The following MAGI2 variants were observed in gnomAD, a reference collection of about 807,000 sequenced individuals.
The protein encoded by MAGI2 is membrane associated guanylate kinase, WW and PDZ domain containing 2.
In MAGI2, 35 loss-of-function variants were observed where a neutral mutation model predicts 133.3. That is an observed-to-expected ratio of 0.26 (90% CI 0.20 to 0.35). The LOEUF (loss-of-function observed/expected upper bound fraction) is 0.35. MAGI2 is among the 10% of genes least tolerant of loss of function. The pLI, the probability that MAGI2 is intolerant of heterozygous loss-of-function variation, is 1.00. For synonymous variants in MAGI2, 729 were observed against 710.6 expected (o/e 1.03, Z -0.41); for missense variants, 1,636 against 1,863.4 (o/e 0.88, Z 2.25).
chr7:78,078,240 T>C (rs4590377), intron 21 of MAGI2: 47,793 of 152,270 alleles, frequency 0.31, 8,143 homozygotes, highest in African/African-American at 0.46. Flanking sequence ...CCTCAAGTTT[T>C]GGTGCTTTTC....
chr7:78,626,616 C>T (rs38115), intron 3 of MAGI2, among the ~76,000 whole-genome samples: 95,311 of 151,890 alleles, frequency 0.63, 30,351 homozygotes, highest in Middle Eastern at 0.73. Context: ...CTTTGGAGTT[C>T]ATTCACAGAT....
At chr7:79,115,092 A>C (rs1562905273) in intron 1 of MAGI2, among the ~76,000 whole-genome samples, 1 of 152,188 alleles carries the variant, frequency 6.6e-6, no homozygotes, top group African/African-American at 2.4e-5. Context: ...AGCAATGCTG[A>C]ATGTGCAAGA....
At chr7:78,631,953 T>A (rs1186519059) in intron 2 of MAGI2, among the ~76,000 whole-genome samples, 1 of 152,240 alleles carries the variant, frequency 6.6e-6, no homozygotes, top group Non-Finnish European at 1.5e-5. Context: ...AGTAGTAGCA[T>A]CTTCATAGGG....
At position 78,070,106 on chromosome 7, in the gene MAGI2, T is replaced by TACAC. The variant is rs67410981; in HGVS notation, c.3706+8837_3706+8840dup. Among the ~76,000 whole-genome samples, 102 of 79,704 alleles carry TACAC rather than the reference T, an allele frequency of 1.3e-3. 2 individuals carry two copies. Among genetic ancestry groups the TACAC allele is most frequent in the Non-Finnish European group, 2.5e-3 (84 of 33,910 alleles). The allele number at this position is 79,704 out of a possible 152,430, so 52.3% of individuals were successfully genotyped here. A position where few individuals can be genotyped will look rare whatever the true frequency, so the allele number is the denominator to read the frequency against. Reference sequence around the variant, plus strand: ...GTCACTATAAACACACACACACACATACACACACACACACACACACATATA... The same window carrying TACAC: ...GTCACTATAAACACACACACACACATACACACACACACACACACACACACATATA... On this transcript the variant is annotated intron_variant, in intron 21 of 21. Coordinates refer to ENST00000354212, the MANE Select transcript of MAGI2 (RefSeq NM_012301.4).
intron 8 of MAGI2, 48 bp from the exon 9 acceptor site, chr7:78,344,008 A>G: frequency 6.4e-7 from 1 of 1,557,654 alleles, no homozygotes; most frequent in Non-Finnish European, 8.7e-7. Context: ...TGTTCAAGTC[A>G]AGTTCTCAGA....
chr7:78,402,620 G>T (rs1475090087), intron 6 of MAGI2, among the ~76,000 whole-genome samples: 1 of 152,116 alleles, frequency 6.6e-6, no homozygotes, highest in Non-Finnish European at 1.5e-5. Context: ...GTAGTGGTTG[G>T]TTTCTTCCTA....
At chr7:79,140,391 A>G (rs1047411255) in intron 1 of MAGI2, among the ~76,000 whole-genome samples, 1 of 152,166 alleles carries the variant, frequency 6.6e-6, no homozygotes, top group African/African-American at 2.4e-5. Flanking sequence ...AAAGAATATG[A>G]ATTCCTCTCT....
intron 3 of MAGI2, 147 bp from the exon 4 acceptor site, chr7:78,521,792 A>G (rs971985068): frequency 1.4e-5 from 9 of 627,032 alleles, no homozygotes; most frequent in African/African-American, 1.1e-4. Flanking sequence ...ATGGTTTTCT[A>G]TCTATGTGTC....
intron 10 of MAGI2, among the ~76,000 whole-genome samples, chr7:78,220,048 C>T (rs1383795558): frequency 1.3e-5 from 2 of 152,102 alleles, no homozygotes; most frequent in African/African-American, 4.8e-5. Context: ...CCTTATTATA[C>T]AACCTACTCC....
intron 3 of MAGI2, among the ~76,000 whole-genome samples, chr7:78,579,686 A>G (rs761773745): frequency 2.6e-5 from 4 of 152,144 alleles, no homozygotes; most frequent in Non-Finnish European, 4.4e-5. Context: ...TTACTATTCT[A>G]TTCTTAGTTG....
At chr7:78,067,438 A>T (rs1295280703) in intron 21 of MAGI2, among the ~76,000 whole-genome samples, 1 of 152,216 alleles carries the variant, frequency 6.6e-6, no homozygotes, top group African/African-American at 2.4e-5. Flanking sequence ...TGCATACATT[A>T]TGAGTGTATG....
At position 78,482,890 on chromosome 7, in the gene MAGI2, CA is replaced by C. The variant is rs1554435696; in HGVS notation, c.1045+6870del. Among the ~76,000 whole-genome samples, 153 of 148,648 alleles carry C rather than the reference CA, an allele frequency of 1.0e-3. 1 individual carries two copies. Among genetic ancestry groups the C allele is most frequent in the African/African-American group, 1.8e-3 (71 of 39,434 alleles). On this transcript the variant is annotated intron_variant, in intron 6 of 21. Transcript: ENST00000354212. ...CATCACATGGAACTACACACACACA[CA>C]CACACACACACACACACACACACAC...
Position 79,264,566 on chromosome 7 carries a change from A to G in MAGI2, c.301+188454T>C, listed in dbSNP as rs1034378044. ...ACAACCCCTATATTAATCTCCCAACATCTCTCTGGGATAAGTATTTTACTA... is the reference window on the plus strand; with the variant it reads ...ACAACCCCTATATTAATCTCCCAACGTCTCTCTGGGATAAGTATTTTACTA... On this transcript the variant is annotated intron_variant, in intron 1 of 21. Coordinates refer to ENST00000354212, the MANE Select transcript of MAGI2 (RefSeq NM_012301.4). 3.9e-5 allele frequency among the ~76,000 whole-genome samples: 6 copies of G among 152,268 alleles called. No homozygotes were observed. The East Asian group carries it at 1.2e-3, about 29-fold the overall frequency.
At chr7:78,196,104 C>A (rs990118272) in intron 11 of MAGI2, among the ~76,000 whole-genome samples, 1 of 152,140 alleles carries the variant, frequency 6.6e-6, no homozygotes, top group Non-Finnish European at 1.5e-5. Context: ...TCCCGAGGAC[C>A]CACCCAGTTC....
chr7:78,456,464 C>T (rs1789332916), intron 6 of MAGI2, among the ~76,000 whole-genome samples: 1 of 152,058 alleles, frequency 6.6e-6, no homozygotes, highest in Admixed American at 6.6e-5. Flanking sequence ...TAAAAAATTA[C>T]TGAGCACATA....
At chr7:78,464,724 AAG>A (rs1461471336) in intron 6 of MAGI2, among the ~76,000 whole-genome samples, 2 of 139,514 alleles carry the variant, frequency 1.4e-5, no homozygotes, top group African/African-American at 5.5e-5. Context: ...TTTACAAAAT[AAG>A]AACCTGATTT....
chr7:78,221,161 C>G (rs1413754790), intron 10 of MAGI2, among the ~76,000 whole-genome samples: 1 of 152,216 alleles, frequency 6.6e-6, no homozygotes, highest in Non-Finnish European at 1.5e-5. Context: ...TCTTTCCCAT[C>G]TATGGCTTTG....
chr7:78,281,071 T>C (rs944871509), intron 9 of MAGI2, among the ~76,000 whole-genome samples: 1 of 152,036 alleles, frequency 6.6e-6, no homozygotes, highest in Non-Finnish European at 1.5e-5. Flanking sequence ...TTTTCATTTT[T>C]CTAATCTAAG....
intron 1 of MAGI2, among the ~76,000 whole-genome samples, chr7:79,191,290 G>A (rs767878967): frequency 2.7e-5 from 4 of 150,744 alleles, no homozygotes; most frequent in Non-Finnish European, 4.4e-5. Flanking sequence ...TCAATGATTG[G>A]ATCTTCCTTC....
Sources: allele counts gnomAD v4.1 joint callset (sites outside exome capture counted in the v4.1 genomes callset), GRCh38; gene constraint gnomAD v4.1.1; transcripts MANE v1.5; gene names NCBI Gene and HGNC (gene_info 2026-07-23, HGNC 2026-07-21).